The following CD83 variants were observed in gnomAD, a reference collection of about 807,000 sequenced individuals.
CD83 encodes CD83 molecule, also known as CD83 antigen.
CD83 carries 22 observed loss-of-function variants against 24.6 expected under a neutral mutation model. The observed-to-expected ratio is 0.90, with a 90% CI of 0.64 to 1.28. The LOEUF is 1.28. CD83 is among the 50% of genes most tolerant of loss of function. The probability of loss-of-function intolerance (pLI) is 0.00; values close to 1 mark genes in which losing one functional copy is unlikely to be tolerated. For missense variants in CD83, 253 were observed against 252.8 expected (o/e 1.00, Z -0.01); for synonymous variants, 101 against 103.5 (o/e 0.98, Z 0.14).
At chr6:14,131,348 G>A (rs1176237034) in intron 2 of CD83, among the ~76,000 whole-genome samples, 172 bp from the exon 3 acceptor site, 2 of 152,136 alleles carry the variant, frequency 1.3e-5, no homozygotes, top group Non-Finnish European at 2.9e-5. Flanking sequence ...ATGTAGCCTT[G>A]GGAATTTTCA....
At chr6:14,117,448 C>G (rs111718881), upstream of CD83, 8 of 151,954 alleles carry the variant, frequency 5.3e-5, no homozygotes, top group Non-Finnish European at 1.5e-5. This position sits in a 1 kb window ranked among gnomAD's most constrained non-coding sequence, Gnocchi z 4.6. Context: ...CGCGCGCGAG[C>G]GCGGTCTGCA....
intron 3 of CD83, among the ~76,000 whole-genome samples, chr6:14,132,873 T>C (rs942651049): frequency 5.3e-5 from 8 of 152,216 alleles, no homozygotes; most frequent in African/African-American, 1.7e-4. Context: ...CAGATTCTGT[T>C]TGCAAGCACA....
rs367556018 is a variant in CD83 at position 14,129,833 on chromosome 6, C to CTCTGTGTGTG, written c.154-1686_154-1685insCTGTGTGTGT. ...GAATTAATAAATGAAGCAGAAATGACTGTGTGTGTGTGTGTGTGTGTGTGT... is the reference window on the plus strand; with the variant it reads ...GAATTAATAAATGAAGCAGAAATGACTCTGTGTGTGTGTGTGTGTGTGTGTGTGTGTGTGT... On this transcript the variant is annotated intron_variant, in intron 2 of 4. Coordinates refer to ENST00000379153, the MANE Select transcript of CD83 (RefSeq NM_004233.4). The surrounding 1 kb of genome is among the most constrained non-coding windows in gnomAD (Gnocchi z 4.3). Among the ~76,000 whole-genome samples, 288 of 147,798 alleles carry CTCTGTGTGTG rather than the reference C, an allele frequency of 1.9e-3. No individual in the cohort carries two copies. The highest frequency in any genetic ancestry group is 6.9e-3 in the African/African-American group (279 of 40,386).
chr6:14,129,130 A>C lies in CD83; in HGVS notation c.154-2390A>C, dbSNP rs1759887547. Among the ~76,000 whole-genome samples, 1 of 152,208 alleles carries C rather than the reference A, an allele frequency of 6.6e-6. No homozygotes were observed. Among genetic ancestry groups the C allele is most frequent in the Non-Finnish European group, 1.5e-5 (1 of 68,044 alleles). ...CCCAGGAGAAAACCATGGGTGAATA[A>C]TCTCAAAACGGTTGTTGCAGCTACA... On this transcript the variant is annotated intron_variant, in intron 2 of 4. Coordinates refer to ENST00000379153, the MANE Select transcript of CD83 (RefSeq NM_004233.4). The surrounding 1 kb of genome is among the most constrained non-coding windows in gnomAD (Gnocchi z 4.3).
chr6:14,130,251 T>G (rs1044958778), intron 2 of CD83, among the ~76,000 whole-genome samples: 10 of 152,254 alleles, frequency 6.6e-5, no homozygotes, highest in African/African-American at 2.2e-4. Context: ...TTTGCTTTAC[T>G]GCATGTGTAC....
chr6:14,123,685 A>G (rs978803371), intron 2 of CD83, among the ~76,000 whole-genome samples: 4 of 150,044 alleles, frequency 2.7e-5, no homozygotes, highest in Non-Finnish European at 5.9e-5. Context: ...GGAACAGAGC[A>G]CAAGTTGCCA....
rs1415963987 is a variant in CD83 at position 14,135,182 on chromosome 6, C to G, written c.564C>G (p.Thr188=). The G allele has an allele frequency of 2.5e-6, 4 of 1,613,830 alleles. No individual in the cohort carries two copies. The African/African-American group carries it at 5.3e-5, about 22-fold the overall frequency. Residue 188 remains threonine (T), a synonymous_variant, in exon 5 of 5, where the codon ACC becomes ACG. Transcript: ENST00000379153. ...TGGAACGAGCTTTTCTCCCAGTTACCTCCCCAAATAAGCATTTAGGGCTAG... is the reference window on the plus strand; with the variant it reads ...TGGAACGAGCTTTTCTCCCAGTTACGTCCCCAAATAAGCATTTAGGGCTAG... The part of the protein sequence containing the change: ...AGMERAFLPV[T]SPNKHLGLVT...
intron 2 of CD83, among the ~76,000 whole-genome samples, chr6:14,122,942 G>C (rs980835629): frequency 6.6e-6 from 1 of 152,216 alleles, no homozygotes; most frequent in Non-Finnish European, 1.5e-5. Flanking sequence ...TGATGTAGAA[G>C]GGAGACTTAA....
chr6:14,131,998 GCC>G (rs1757922223), intron 3 of CD83, among the ~76,000 whole-genome samples: 1 of 152,200 alleles, frequency 6.6e-6, no homozygotes, highest in Admixed American at 6.5e-5. Context: ...TGGTCACAGA[GCC>G]CCTGATTCCG....
chr6:14,124,805 G>A (rs1054714561), intron 2 of CD83, among the ~76,000 whole-genome samples: 3 of 151,596 alleles, frequency 2.0e-5, no homozygotes, highest in African/African-American at 7.3e-5. Context: ...CTTGAATTGT[G>A]CCCCCCCCAA....
At position 14,136,547 on chromosome 6, in the gene CD83, C is replaced by T. The variant is rs1758056608; in HGVS notation, c.*1311C>T. On this transcript the variant is annotated 3_prime_UTR_variant, in exon 5 of 5. Transcript: ENST00000379153. Reference sequence around the variant, plus strand: ...CTTGGGCCCTTCCCTTCTTGGTTTCCAAAGGCATTTTATTGCTTGAGTTAT... The same window carrying T: ...CTTGGGCCCTTCCCTTCTTGGTTTCTAAAGGCATTTTATTGCTTGAGTTAT... 1 of 152,176 alleles carries T rather than the reference C, an allele frequency of 6.6e-6. No individual in the cohort carries two copies. The allele number at this position is 152,176 out of a possible 1,614,324, so 9.4% of individuals were successfully genotyped here.
At chr6:14,117,533 C>T (rs921384032), upstream of CD83, 16 of 148,586 alleles carry the variant, frequency 1.1e-4, 1 homozygote, top group Non-Finnish European at 4.5e-5. The surrounding 1 kb of genome is among the most constrained non-coding windows in gnomAD (Gnocchi z 4.6). Context: ...GAACTCGGGG[C>T]GCCCGGCCCG....
At chr6:14,123,618 TAGA>T (rs1171907115) in intron 2 of CD83, among the ~76,000 whole-genome samples, 3 of 151,968 alleles carry the variant, frequency 2.0e-5, no homozygotes, top group Non-Finnish European at 2.9e-5. Flanking sequence ...TGAGTGGCTA[TAGA>T]AGAAGTCTCA....
At chr6:14,120,961 G>A (rs1022103486) in intron 2 of CD83, among the ~76,000 whole-genome samples, 1 of 152,158 alleles carries the variant, frequency 6.6e-6, no homozygotes, top group African/African-American at 2.4e-5. Context: ...TGTGCAAGAG[G>A]CTAAAGGTGA....
intron 2 of CD83, among the ~76,000 whole-genome samples, chr6:14,120,845 C>T (rs1460122243): frequency 2.0e-5 from 3 of 152,232 alleles, no homozygotes; most frequent in African/African-American, 7.2e-5. Flanking sequence ...AAACAGACAG[C>T]ATCCAATCTG....
chr6:14,126,135 G>A (rs940454900), intron 2 of CD83, among the ~76,000 whole-genome samples: 10 of 152,218 alleles, frequency 6.6e-5, no homozygotes, highest in African/African-American at 9.6e-5. Flanking sequence ...GAGAAACTGG[G>A]ATTGACTTCA....
chr6:14,133,710 G>A lies in CD83; in HGVS notation c.444G>A (p.Leu148=), dbSNP rs1256249099. 1 of 1,613,664 alleles carries A rather than the reference G, an allele frequency of 6.2e-7. No homozygotes were observed. Among genetic ancestry groups the A allele is most frequent in the Non-Finnish European group, 8.5e-7 (1 of 1,179,634 alleles). Residue 148 remains leucine (L), a synonymous_variant, in exon 4 of 5, where the codon CTG becomes CTA. Coordinates refer to ENST00000379153, the MANE Select transcript of CD83 (RefSeq NM_004233.4). ...AATACAGAGCGGAGATTGTCCTGCT[G>A]CTGGCTCTGGTTATTTTCTACTTAA... ...FKKYRAEIVL[L]LALVIFYLTL...
At chr6:14,117,654 A>T (rs905650917), upstream of CD83, 3 of 419,408 alleles carry the variant, frequency 7.2e-6, no homozygotes, top group Admixed American at 4.5e-5. The surrounding 1 kb of genome is among the most constrained non-coding windows in gnomAD (Gnocchi z 4.6). Context: ...CCCCGGCCTA[A>T]GCGGGACTAG....
At chr6:14,131,840 C>T in intron 3 of CD83, 92 bp downstream of exon 3, 1 of 818,714 alleles carries the variant, frequency 1.2e-6, no homozygotes, top group Non-Finnish European at 2.0e-6. Flanking sequence ...TGGAGTGTAG[C>T]TCTAGAGCTT....
Sources: allele counts gnomAD v4.1 joint callset (sites outside exome capture counted in the v4.1 genomes callset), GRCh38; gene constraint gnomAD v4.1.1; non-coding constraint Gnocchi (gnomAD v3.1); transcripts MANE v1.5; gene names NCBI Gene and HGNC (gene_info 2026-07-23, HGNC 2026-07-21).